The following UBOX5 variants were observed in gnomAD, a reference collection of about 807,000 sequenced individuals.
UBOX5 encodes the protein U-box domain containing 5.
Under a neutral mutation model 39.0 loss-of-function variants are expected in UBOX5, and 28 were observed. That is an observed-to-expected ratio of 0.72 (90% CI 0.53 to 0.98). The LOEUF (loss-of-function observed/expected upper bound fraction) is 0.98, where lower values mean the gene tolerates loss of function less well. Among genes scored for constraint, UBOX5 ranks in the 50% least tolerant of loss-of-function variants. UBOX5 has a pLI of 0.00. For missense variants in UBOX5, 585 were observed against 674.4 expected, an observed-to-expected ratio of 0.87 and a Z score of 1.47; for synonymous variants, 283 against 275.5, an observed-to-expected ratio of 1.03 and a Z score of -0.27.
intron 1 of UBOX5, among the ~76,000 whole-genome samples, chr20:3,144,866 A>T (rs1010106085): frequency 6.6e-6 from 1 of 152,188 alleles, no homozygotes; most frequent in African/African-American, 2.4e-5. Flanking sequence ...TAAGCGTCAG[A>T]CTTGGGAACC....
chr20:3,109,946 A>T lies in UBOX5; in HGVS notation c.*160T>A, dbSNP rs373873000. 2 of 798,474 alleles carry T rather than the reference A, an allele frequency of 2.5e-6. No individual in the cohort carries two copies. Among genetic ancestry groups the T allele is most frequent in the Non-Finnish European group, 3.9e-6 (2 of 508,144 alleles). The allele number at this position is 798,474 out of a possible 1,614,324, so 49.5% of individuals were successfully genotyped here. A position where few individuals can be genotyped will look rare whatever the true frequency, so the allele number is the denominator to read the frequency against. On this transcript the variant is annotated 3_prime_UTR_variant, in exon 5 of 5. Coordinates refer to ENST00000217173, the MANE Select transcript of UBOX5 (RefSeq NM_014948.4). Reference sequence around the variant, plus strand: ...TGTTGCCCTATTGCCACCAGCGCAGAAGCAATGTGCTATACCGTGAGGTGA... The same window carrying T: ...TGTTGCCCTATTGCCACCAGCGCAGTAGCAATGTGCTATACCGTGAGGTGA...
chr20:3,136,347 TTTA>T (rs2066471849), intron 1 of UBOX5, among the ~76,000 whole-genome samples: 1 of 151,592 alleles, frequency 6.6e-6, no homozygotes, highest in African/African-American at 2.4e-5. Context: ...TAAGAGATTG[TTTA>T]TTTTTATTTT....
At chr20:3,148,016 C>T (rs940496649) in intron 1 of UBOX5, 2 of 1,614,200 alleles carry the variant, frequency 1.2e-6, no homozygotes, top group South Asian at 1.1e-5. Context: ...GGAGCGACTA[C>T]TCAGATGCTG....
intron 4 of UBOX5, among the ~76,000 whole-genome samples, chr20:3,114,557 A>C (rs972846281): frequency 6.6e-6 from 1 of 152,160 alleles, no homozygotes; most frequent in Non-Finnish European, 1.5e-5. Context: ...CGGAAGTGTT[A>C]ATCTGAAGGG....
chr20:3,155,095 T>C (rs1312026965), intron 1 of UBOX5, among the ~76,000 whole-genome samples: 2 of 131,682 alleles, frequency 1.5e-5, no homozygotes, highest in Non-Finnish European at 3.3e-5. Flanking sequence ...AAAGAAAAAA[T>C]AAATATAGTG....
At chr20:3,134,645 G>C (rs1408276331) in intron 1 of UBOX5, among the ~76,000 whole-genome samples, 1 of 151,422 alleles carries the variant, frequency 6.6e-6, no homozygotes, top group Non-Finnish European at 1.5e-5. Flanking sequence ...GATCATCTGA[G>C]GTCAAGAGTT....
At chr20:3,114,478 A>G (rs1018115884) in intron 4 of UBOX5, among the ~76,000 whole-genome samples, 3 of 152,180 alleles carry the variant, frequency 2.0e-5, no homozygotes, top group Non-Finnish European at 4.4e-5. Flanking sequence ...TCTGGCATAC[A>G]ATGGGGGTCA....
At chr20:3,158,767 T>C (rs559754838) in intron 1 of UBOX5, among the ~76,000 whole-genome samples, 15 of 152,346 alleles carry the variant, frequency 9.8e-5, no homozygotes, top group South Asian at 2.1e-4. Context: ...AGCCACTGTG[T>C]CCGGCCCAGA....
At chr20:3,125,370 C>A (rs1184404181) in intron 1 of UBOX5, among the ~76,000 whole-genome samples, 1 of 141,862 alleles carries the variant, frequency 7.0e-6, no homozygotes, top group African/African-American at 2.7e-5. Flanking sequence ...AGCGCCTCTG[C>A]CCAGCTGCCC....
At position 3,114,721 on chromosome 20, in the gene UBOX5, G is replaced by A. The variant is rs138707136; in HGVS notation, c.1417+584C>T. 2.3e-3 allele frequency among the ~76,000 whole-genome samples: 350 copies of A among 152,282 alleles called. 5 individuals are homozygous for A. Among genetic ancestry groups the A allele is most frequent in the East Asian group, 0.021 (111 of 5,168 alleles). ...TCTCAGCGCTTTGCGAGGCCGAGGC[G>A]GGCGGATCACGAGGTCGGGAGTTCG... On this transcript the variant is annotated intron_variant, in intron 4 of 4. Coordinates refer to ENST00000217173, the MANE Select transcript of UBOX5 (RefSeq NM_014948.4).
chr20:3,155,483 G>T (rs907973922), intron 1 of UBOX5, among the ~76,000 whole-genome samples: 1 of 151,798 alleles, frequency 6.6e-6, no homozygotes, highest in Non-Finnish European at 1.5e-5. Flanking sequence ...GTGAGGCGAG[G>T]TCGCACCACT....
intron 1 of UBOX5, among the ~76,000 whole-genome samples, chr20:3,150,018 CA>C (rs1358453716): frequency 3.7e-3 from 412 of 110,430 alleles, no homozygotes; most frequent in East Asian, 6.2e-3. Flanking sequence ...GACTCCATCT[CA>C]AAAAAAAAAA....
In UBOX5 at chr20:3,150,326, G is replaced by A. The variant is rs181964908; in HGVS notation, c.-42+9440C>T. Among the ~76,000 whole-genome samples, 628 of 152,276 alleles carry A rather than the reference G, an allele frequency of 4.1e-3. 15 individuals are homozygous for A. The highest frequency in any genetic ancestry group is 1.5e-3 in the Non-Finnish European group (100 of 68,028). On this transcript the variant is annotated intron_variant, in intron 1 of 4. Coordinates refer to ENST00000217173, the MANE Select transcript of UBOX5 (RefSeq NM_014948.4). ...GAAGCAAAGAGTACCCCAAAGCTGG[G>A]CTCAGGGTTCAGGGAACGCCAATTG... is the stretch of plus-strand genomic sequence containing the variant.
At chr20:3,158,046 G>A (rs1473819832) in intron 1 of UBOX5, among the ~76,000 whole-genome samples, 4 of 151,856 alleles carry the variant, frequency 2.6e-5, no homozygotes, top group African/African-American at 7.3e-5. Context: ...GATCTCAAAC[G>A]ATCCTCCCAC....
chr20:3,133,236 G>A (rs2066443692), intron 1 of UBOX5, among the ~76,000 whole-genome samples: 1 of 152,052 alleles, frequency 6.6e-6, no homozygotes, highest in South Asian at 2.1e-4. Flanking sequence ...CAATACCCTG[G>A]ACTTTTAAGG....
chr20:3,112,666 C>A (rs758898083), intron 4 of UBOX5, among the ~76,000 whole-genome samples: 4 of 152,142 alleles, frequency 2.6e-5, no homozygotes, highest in African/African-American at 4.8e-5. Context: ...AAGAAAAAGA[C>A]ACAGTGGTCG....
At chr20:3,125,953 G>A (rs543660975) in intron 1 of UBOX5, among the ~76,000 whole-genome samples, 392 of 152,356 alleles carry the variant, frequency 2.6e-3, no homozygotes, top group African/African-American at 8.9e-3. Flanking sequence ...CTGCCTGGCC[G>A]CTGTGCAATC....
chr20:3,109,997 G>C lies in UBOX5; in HGVS notation c.*109C>G. The C allele has an allele frequency of 7.6e-7, 1 of 1,322,192 alleles. No individual in the cohort carries two copies. Among genetic ancestry groups the C allele is most frequent in the South Asian group, 1.2e-5 (1 of 81,350 alleles). 81.9% of individuals were successfully genotyped at this position (1,322,192 alleles called of 1,614,324 possible). ...TGAAGAAGAGCCCCGGGAGGGAGCA[G>C]GCAGCTCTGTGCCTGGGGCCTGGCC... On this transcript the variant is annotated 3_prime_UTR_variant, in exon 5 of 5. Transcript: ENST00000217173.
chr20:3,149,189 C>A lies in UBOX5; in HGVS notation c.-42+10577G>T. ...TGGACGGGGAGGTGTTCCACAAAAACTGCCTGGAAATCTTCAGCATATCAC... is the reference window on the plus strand; with the variant it reads ...TGGACGGGGAGGTGTTCCACAAAAAATGCCTGGAAATCTTCAGCATATCAC... On this transcript the variant is annotated intron_variant, in intron 1 of 4. Transcript: ENST00000217173. This position sits in a 1 kb window ranked among gnomAD's most constrained non-coding sequence, Gnocchi z 4.1. The A allele has an allele frequency of 8.9e-7, 1 of 1,129,226 alleles. No individual in the cohort carries two copies. Among genetic ancestry groups the A allele is most frequent in the Non-Finnish European group, 1.2e-6 (1 of 802,048 alleles). 70.0% of individuals were successfully genotyped at this position (1,129,226 alleles called of 1,614,324 possible). A position where few individuals can be genotyped will look rare whatever the true frequency, so the allele number is the denominator to read the frequency against.
Sources: gnomAD v4.1 joint callset for allele counts (sites outside exome capture counted in the v4.1 genomes callset) on GRCh38, gnomAD v4.1.1 for gene constraint, Gnocchi (gnomAD v3.1) non-coding constraint, MANE v1.5 for transcripts, NCBI Gene and HGNC (gene_info 2026-07-23, HGNC 2026-07-21) for gene names.